The following OTULIN variants were observed in gnomAD, a reference collection of about 807,000 sequenced individuals.
The protein encoded by OTULIN is OTU deubiquitinase with linear linkage specificity, also known as ubiquitin thioesterase otulin.
A neutral mutation model predicts 39.6 loss-of-function variants in OTULIN; 15 were observed. The ratio of observed to expected loss-of-function variants is 0.38; its 90% CI spans 0.25 to 0.58. The LOEUF is 0.58. OTULIN is among the 20% of genes least tolerant of loss of function. The probability of loss-of-function intolerance (pLI) is 0.66; values close to 1 mark genes in which losing one functional copy is unlikely to be tolerated. For synonymous variants in OTULIN, 156 were observed against 170.3 expected (o/e 0.92, Z 0.65); for missense variants, 319 against 445.9 (o/e 0.72, Z 2.56).
the OTULIN span, chr5:14,712,901 G>A: frequency 1.2e-4 from 200 of 1,612,554 alleles, 2 homozygotes; most frequent in South Asian, 9.3e-4. Context: ...AGCACGCAGC[G>A]ATGGCGACCA....
In OTULIN at chr5:14,692,925, G is replaced by A. The variant is rs146627270; in HGVS notation, c.936G>A (p.Thr312=). ...IQVYRLSKYN[T]EEFITVYPTD... is the part of the protein sequence containing the mutation. ...TGTACCGGCTCTCCAAGTACAACACGGAAGAATTCATCACAGTCTACCCCA... is the reference window on the plus strand; with the variant it reads ...TGTACCGGCTCTCCAAGTACAACACAGAAGAATTCATCACAGTCTACCCCA... Residue 312 remains threonine (T), a synonymous_variant, in exon 7 of 7, where the codon ACG becomes ACA. Transcript: ENST00000284274. 8.9e-4 allele frequency: 1,443 copies of A among 1,614,142 alleles called. 10 individuals are homozygous for A. The African/African-American group carries it at 0.016, about 17-fold the overall frequency.
chr5:14,708,901 T>G, the OTULIN span: 2 of 152,154 alleles, frequency 1.3e-5, no homozygotes, highest in South Asian at 4.2e-4. Flanking sequence ...AAGGATTTTT[T>G]TTTTTTTTGA....
chr5:14,684,063 T>G (rs1454516690), intron 4 of OTULIN, among the ~76,000 whole-genome samples: 2 of 152,258 alleles, frequency 1.3e-5, no homozygotes, highest in African/African-American at 4.8e-5. Flanking sequence ...AAGTGTTCTT[T>G]CCAGTTTCTT....
At chr5:14,672,955 A>G (rs1736015205) in intron 1 of OTULIN, among the ~76,000 whole-genome samples, 1 of 152,178 alleles carries the variant, frequency 6.6e-6, no homozygotes, top group Non-Finnish European at 1.5e-5. Context: ...TTTGTCTAGC[A>G]TCTAGTGGAT....
intron 2 of OTULIN, among the ~76,000 whole-genome samples, chr5:14,676,060 A>G (rs982913889): frequency 3.9e-5 from 6 of 152,300 alleles, no homozygotes; most frequent in South Asian, 4.1e-4. Context: ...TTACAGACAA[A>G]GATTGAGATT....
At chr5:14,689,637 T>G (rs1302565722) in intron 5 of OTULIN, among the ~76,000 whole-genome samples, 1 of 152,184 alleles carries the variant, frequency 6.6e-6, no homozygotes, top group Non-Finnish European at 1.5e-5. Flanking sequence ...GGGTTGGCTT[T>G]GTGTTTCTGG....
chr5:14,702,950 C>T (rs559955088), downstream of OTULIN, among the ~76,000 whole-genome samples: 1 of 152,246 alleles, frequency 6.6e-6, no homozygotes, highest in South Asian at 2.1e-4. Flanking sequence ...GAAGCACTTC[C>T]ATGTGGCTTA....
chr5:14,711,292 C>T, the OTULIN span: 3 of 1,614,138 alleles, frequency 1.9e-6, no homozygotes, highest in Middle Eastern at 3.3e-4. Context: ...GTGGCCGACT[C>T]ATTCTCCATC....
rs2126808718 is a variant in OTULIN at position 14,664,862 on chromosome 5, C to T, written c.37C>T (p.Pro13Ser). The T allele has an allele frequency of 5.8e-6, 7 of 1,207,622 alleles. No individual in the cohort carries two copies. Among genetic ancestry groups the T allele is most frequent in the Non-Finnish European group, 7.2e-6 (7 of 972,010 alleles). 74.8% of individuals were successfully genotyped at this position (1,207,622 alleles called of 1,614,324 possible). The change falls in exon 1 of 7, where the codon CCA becomes TCA. Residue 13 changes from proline to serine, a missense_variant. Physicochemically the swap from Pro to Ser is moderately conservative, Grantham distance 74. This residue lies in a region of OTULIN where 132 missense variants were observed against 143.7 expected (regional missense o/e 0.92). Transcript: ENST00000284274. Reference protein sequence around the residue: ...RGTMPQPEAWPGASCAETPAR... With the variant: ...RGTMPQPEAWSGASCAETPAR... Reference sequence around the variant, plus strand: ...GACTATGCCCCAGCCCGAAGCGTGGCCAGGCGCGAGCTGCGCCGAGACGCC... The same window carrying T: ...GACTATGCCCCAGCCCGAAGCGTGGTCAGGCGCGAGCTGCGCCGAGACGCC...
At chr5:14,666,867 A>G (rs905024827) in intron 1 of OTULIN, among the ~76,000 whole-genome samples, 1 of 152,192 alleles carries the variant, frequency 6.6e-6, no homozygotes, top group Admixed American at 6.5e-5. Context: ...CTCACGGCCT[A>G]GAGAAACTAG....
chr5:14,674,508 C>T (rs973311232), intron 2 of OTULIN, among the ~76,000 whole-genome samples: 1 of 152,218 alleles, frequency 6.6e-6, no homozygotes, highest in African/African-American at 2.4e-5. Context: ...GTAATCCCAG[C>T]ACTTGGGGAG....
chr5:14,700,119 G>T (rs767441402), downstream of OTULIN, among the ~76,000 whole-genome samples: 1 of 152,168 alleles, frequency 6.6e-6, no homozygotes, highest in Non-Finnish European at 1.5e-5. Context: ...CCATTTTCAG[G>T]TCCTTTCCTG....
At chr5:14,716,057 GCA>G in the OTULIN span, among the ~76,000 whole-genome samples, 17 of 152,144 alleles carry the variant, frequency 1.1e-4, no homozygotes, top group Admixed American at 5.9e-4. Context: ...GCTTTTTGGT[GCA>G]CAGTTTTGAG....
intron 4 of OTULIN, among the ~76,000 whole-genome samples, chr5:14,684,255 G>C (rs1736329649): frequency 6.6e-6 from 1 of 152,222 alleles, no homozygotes; most frequent in South Asian, 2.1e-4. Context: ...CTGAATGTTA[G>C]CTGAAGAACG....
chr5:14,705,291 A>G, the OTULIN span: 2 of 152,250 alleles, frequency 1.3e-5, no homozygotes, highest in African/African-American at 2.4e-5. Flanking sequence ...GTTTAAAAAA[A>G]AAAAAATCTA....
chr5:14,705,146 C>G, the OTULIN span: 1 of 152,134 alleles, frequency 6.6e-6, no homozygotes, highest in Non-Finnish European at 1.5e-5. Context: ...AGATGCACAC[C>G]ACTGTGCCCA....
rs938754355 is a variant in OTULIN, at chr5:14,694,954, A to G, written c.*1906A>G. On this transcript the variant is annotated 3_prime_UTR_variant, in exon 7 of 7. Transcript: ENST00000284274. ...CTCGAAACATTTCGATCATACATAC[A>G]TAGCAGTAGAGATCTGTGCCCTTCA... 1 of 152,580 alleles carries G rather than the reference A, an allele frequency of 6.6e-6. No individual in the cohort carries two copies. The highest frequency in any genetic ancestry group is 2.1e-4 in the South Asian group (1 of 4,828). 9.5% of individuals were successfully genotyped at this position (152,580 alleles called of 1,614,324 possible).
At chr5:14,678,559 A>C in intron 2 of OTULIN, 122 bp from the exon 3 acceptor site, 4 of 698,504 alleles carry the variant, frequency 5.7e-6, no homozygotes, top group Non-Finnish European at 7.0e-6. Flanking sequence ...CAGTGGTTGA[A>C]TTCTGGATTT....
downstream of OTULIN, among the ~76,000 whole-genome samples, chr5:14,702,576 C>T (rs562513183): frequency 5.3e-5 from 8 of 152,264 alleles, no homozygotes; most frequent in South Asian, 6.2e-4. Context: ...GAGGTTAGGA[C>T]GTGGCCTTGC....
Sources: allele counts gnomAD v4.1 joint callset (sites outside exome capture counted in the v4.1 genomes callset), GRCh38; gene constraint gnomAD v4.1.1; regional missense constraint gnomAD v4.1.1; transcripts MANE v1.5; gene names NCBI Gene and HGNC (gene_info 2026-07-23, HGNC 2026-07-21).